The following ADGRA1 variants were observed in gnomAD, a reference collection of about 807,000 sequenced individuals.
The protein encoded by ADGRA1 is G-protein coupled receptor 123.
In ADGRA1, 12 loss-of-function variants were observed where a neutral mutation model predicts 21.3. The observed-to-expected ratio is 0.56, with a 90% CI of 0.36 to 0.91. ADGRA1 has a LOEUF of 0.91. Ranked by LOEUF, ADGRA1 falls within the 40% of genes least tolerant of loss-of-function variation. ADGRA1 has a pLI of 0.01. For synonymous variants in ADGRA1, 385 were observed against 368.8 expected, an observed-to-expected ratio of 1.04 and a Z score of -0.50; for missense variants, 790 against 805.6, an observed-to-expected ratio of 0.98 and a Z score of 0.23.
intron 4 of ADGRA1, among the ~76,000 whole-genome samples, chr10:133,101,045 A>C (rs1284889990): frequency 6.6e-6 from 1 of 152,206 alleles, no homozygotes; most frequent in African/African-American, 2.4e-5. Context: ...TCATTGATCT[A>C]ACGCTGAGGC....
At position 133,129,557 on chromosome 10, in the gene ADGRA1, G is replaced by A. The variant is rs553957610; in HGVS notation, c.*46G>A. On this transcript the variant is annotated 3_prime_UTR_variant, in exon 7 of 7. Transcript: ENST00000392607. ...GTTCCTGGAGGAGCTTCAGAGCAGAGTGGGGGGCCCATCTGCCACATGAGG... is the reference window on the plus strand; with the variant it reads ...GTTCCTGGAGGAGCTTCAGAGCAGAATGGGGGGCCCATCTGCCACATGAGG... 6.7e-6 allele frequency: 10 copies of A among 1,490,474 alleles called. No individual in the cohort carries two copies. The highest frequency in any genetic ancestry group is 4.2e-5 in the African/African-American group (3 of 72,068). The allele number at this position is 1,490,474 out of a possible 1,614,324, so 92.3% of individuals were successfully genotyped here. A position where few individuals can be genotyped will look rare whatever the true frequency, so the allele number is the denominator to read the frequency against.
intron 5 of ADGRA1, among the ~76,000 whole-genome samples, chr10:133,105,292 C>T (rs1187883626): frequency 1.3e-5 from 2 of 152,246 alleles, no homozygotes; most frequent in Admixed American, 6.5e-5. Context: ...CCAGCTCCCA[C>T]TCACATGGGC....
intron 5 of ADGRA1, among the ~76,000 whole-genome samples, chr10:133,126,602 C>T (rs1852379172): frequency 6.6e-6 from 1 of 152,192 alleles, no homozygotes. Flanking sequence ...CACGCTGCAT[C>T]CCGCTTGGAT....
At position 133,098,850 on chromosome 10, in the gene ADGRA1, G is replaced by C; in HGVS notation, c.255+87G>C. ...TTTACTAAATAATATTCCAGCGTTT[G>C]CTCAGCTATTTCCCGGGAAGAGGGT... On this transcript the variant is annotated intron_variant, in intron 4 of 6. Transcript: ENST00000392607. 2.7e-6 allele frequency: 4 copies of C among 1,506,070 alleles called. No homozygotes were observed. The South Asian group carries it at 5.1e-5, about 19-fold the overall frequency. 93.3% of individuals were successfully genotyped at this position (1,506,070 alleles called of 1,614,324 possible).
chr10:133,108,801 C>T (rs981200387), intron 5 of ADGRA1, among the ~76,000 whole-genome samples: 2 of 151,876 alleles, frequency 1.3e-5, no homozygotes, highest in African/African-American at 4.8e-5. Flanking sequence ...TCCACCCCTC[C>T]CCTCACATCC....
At chr10:133,097,346 C>T (rs542620028) in intron 3 of ADGRA1, among the ~76,000 whole-genome samples, 27 of 152,336 alleles carry the variant, frequency 1.8e-4, no homozygotes, top group Admixed American at 1.4e-3. Flanking sequence ...GTCTTCTCCA[C>T]GGCATCCCCC....
chr10:133,100,179 T>TGGGCCTGGGCCCAGCATGGCCCC (rs1180465383), intron 4 of ADGRA1, among the ~76,000 whole-genome samples: 1 of 152,194 alleles, frequency 6.6e-6, no homozygotes, highest in African/African-American at 2.4e-5. Flanking sequence ...GGCCTGGGCC[T>TGGGCCTGGGCCCAGCATGGCCCC]GGGCCTGGGC....
chr10:133,089,679 G>C (rs546478473), intron 2 of ADGRA1, among the ~76,000 whole-genome samples: 1 of 152,366 alleles, frequency 6.6e-6, no homozygotes, highest in African/African-American at 2.4e-5. Context: ...GCCGGCTGGC[G>C]TGCTTCGGAG....
chr10:133,112,724 C>CGTCGGTTATTTGAGGTCTGTGGGCCGT (rs1564850370), intron 5 of ADGRA1, among the ~76,000 whole-genome samples: 2 of 111,988 alleles, frequency 1.8e-5, no homozygotes, highest in Admixed American at 9.1e-5. Flanking sequence ...CTGCGGGCCG[C>CGTCGGTTATTTGAGGTCTGTGGGCCGT]GTCGGTTATT....
chr10:133,128,759 G>A lies in ADGRA1; in HGVS notation c.931G>A (p.Glu311Lys), dbSNP rs982470636. The change falls in exon 7 of 7, where the codon GAG (glutamate) becomes AAG (lysine). Residue 311 changes from glutamate to lysine, a missense_variant. By Grantham distance (56) the Glu-to-Lys change is moderately conservative. This residue lies in a region of ADGRA1 where 17 missense variants were observed against 38.5 expected (regional missense o/e 0.44). Coordinates refer to ENST00000392607, the MANE Select transcript of ADGRA1 (RefSeq NM_001083909.3). ...FVLIHHCAKR[E>K]DVWQCWWACC... ...GCTCATCCACCACTGCGCCAAGCGT[G>A]AGGACGTGTGGCAGTGCTGGTGGGC... 6.2e-7 allele frequency: 1 copy of A among 1,611,792 alleles called. No homozygotes were observed. Among genetic ancestry groups the A allele is most frequent in the South Asian group, 1.1e-5 (1 of 91,042 alleles).
At chr10:133,097,538 G>A (rs1851708710) in intron 3 of ADGRA1, among the ~76,000 whole-genome samples, 1 of 152,234 alleles carries the variant, frequency 6.6e-6, no homozygotes, top group South Asian at 2.1e-4. Flanking sequence ...TCATGGGCGG[G>A]GGTTCGGCTA....
chr10:133,119,544 G>A (rs1305934119), intron 5 of ADGRA1, among the ~76,000 whole-genome samples: 3 of 152,194 alleles, frequency 2.0e-5, no homozygotes, highest in Non-Finnish European at 4.4e-5. Flanking sequence ...ACTCTGCCAC[G>A]GCTTGGTCAA....
chr10:133,121,922 CCA>C (rs1852274639), intron 5 of ADGRA1, among the ~76,000 whole-genome samples: 1 of 134,702 alleles, frequency 7.4e-6, no homozygotes, highest in Non-Finnish European at 1.6e-5. Flanking sequence ...CTGTGCATGT[CCA>C]GTGTGCCAGT....
At position 133,128,764 on chromosome 10, in the gene ADGRA1, C is replaced by A; in HGVS notation, c.936C>A (p.Asp312Glu). 6.2e-7 allele frequency: 1 copy of A among 1,611,638 alleles called. No homozygotes were observed. Among genetic ancestry groups the A allele is most frequent in the Admixed American group, 1.7e-5 (1 of 59,968 alleles). ...VLIHHCAKREDVWQCWWACCP... is the reference protein window; with the variant it reads ...VLIHHCAKREEVWQCWWACCP... Reference sequence around the variant, plus strand: ...TCCACCACTGCGCCAAGCGTGAGGACGTGTGGCAGTGCTGGTGGGCATGCT... The same window carrying A: ...TCCACCACTGCGCCAAGCGTGAGGAAGTGTGGCAGTGCTGGTGGGCATGCT... The change falls in exon 7 of 7, where the codon GAC becomes GAA. Residue 312 changes from aspartate to glutamate, a missense_variant. Asp to Glu is a conservative substitution (Grantham distance 45). Coordinates refer to ENST00000392607, the MANE Select transcript of ADGRA1 (RefSeq NM_001083909.3).
intron 5 of ADGRA1, among the ~76,000 whole-genome samples, chr10:133,111,889 A>ACGGG (rs1564849524): frequency 1.7e-5 from 2 of 119,638 alleles, no homozygotes; most frequent in South Asian, 2.7e-4. Flanking sequence ...CCTGCCCACC[A>ACGGG]CAGACACCTC....
chr10:133,092,751 G>GGA (rs1564842382), intron 2 of ADGRA1, among the ~76,000 whole-genome samples: 15,940 of 77,304 alleles, frequency 0.21, 1,847 homozygotes, highest in Middle Eastern at 0.26. Flanking sequence ...AATAGGGAGG[G>GGA]AGGAAGGAAG....
chr10:133,097,983 G>C (rs1422766041), intron 3 of ADGRA1, among the ~76,000 whole-genome samples: 1 of 152,196 alleles, frequency 6.6e-6, no homozygotes, highest in Non-Finnish European at 1.5e-5. Context: ...TTGGTGGTTA[G>C]TGCCGTCCTA....
intron 5 of ADGRA1, among the ~76,000 whole-genome samples, chr10:133,116,721 T>C (rs1852166645): frequency 6.6e-6 from 1 of 152,012 alleles, no homozygotes; most frequent in Non-Finnish European, 1.5e-5. Context: ...GTGGAGCCGA[T>C]GGAGCCCCAG....
rs778961172 is a variant in ADGRA1, at chr10:133,098,725, G to A, written c.217G>A (p.Gly73Ser). 1.2e-5 allele frequency: 19 copies of A among 1,611,730 alleles called. No homozygotes were observed. The highest frequency in any genetic ancestry group is 4.4e-5 in the South Asian group (4 of 91,082). Residue 73 changes from glycine to serine, a missense_variant, in exon 4 of 7, where the codon GGC becomes AGC. Around this residue, in one of 3 missense-constraint regions of ADGRA1, gnomAD observed 382 missense variants for 415.6 expected, o/e 0.92. Transcript: ENST00000392607. ...AALTFTVFAG[G>S]INRTKYPILC... is the part of the protein sequence containing the mutation. ...CCTGACCTTCACTGTGTTCGCCGGC[G>A]GCATCAATCGCACCAAGTACCCCAT...
Sources: allele counts gnomAD v4.1 joint callset (sites outside exome capture counted in the v4.1 genomes callset), GRCh38; gene constraint gnomAD v4.1.1; regional missense constraint gnomAD v4.1.1; transcripts MANE v1.5; gene names NCBI Gene and HGNC (gene_info 2026-07-23, HGNC 2026-07-21).